The following HELZ variants were observed in gnomAD, a reference collection of about 807,000 sequenced individuals.
The protein encoded by HELZ is ATP-dependent RNA helicase with zinc finger domain.
HELZ carries 23 observed loss-of-function variants against 218.2 expected under a neutral mutation model. That is an observed-to-expected ratio of 0.11 (90% CI 0.08 to 0.15). The LOEUF is 0.15. Ranked by LOEUF, HELZ falls within the 10% of genes least tolerant of loss-of-function variation. The pLI is 1.00. For synonymous variants in HELZ, 814 were observed against 829.4 expected, an observed-to-expected ratio of 0.98 and a Z score of 0.32; for missense variants, 1,813 against 2,353.7, an observed-to-expected ratio of 0.77 and a Z score of 4.75.
chr17:67,238,409 C>T (rs1467373970), intron 3 of HELZ, among the ~76,000 whole-genome samples: 1 of 149,476 alleles, frequency 6.7e-6, no homozygotes, highest in African/African-American at 2.5e-5. Flanking sequence ...AGGTCGGGTG[C>T]GGTGGCTCAC....
chr17:67,189,524 AG>A, intron 11 of HELZ, 64 bp downstream of exon 11: 2 of 954,302 alleles, frequency 2.1e-6, no homozygotes, highest in South Asian at 1.3e-5. Context: ...AGAGATTCAA[AG>A]GTCAAAAAAA....
chr17:67,190,133 A>C, intron 10 of HELZ, 24 bp downstream of exon 10: 2 of 1,598,498 alleles, frequency 1.3e-6, no homozygotes. Flanking sequence ...ACAAACAAAA[A>C]ATAATGTAGC....
In HELZ at chr17:67,077,240, C is replaced by T. The variant is rs1262802011; in HGVS notation, c.*1012G>A. 1 of 152,308 alleles carries T rather than the reference C, an allele frequency of 6.6e-6. No homozygotes were observed. The highest frequency in any genetic ancestry group is 1.5e-5 in the Non-Finnish European group (1 of 67,968). The allele number at this position is 152,308 out of a possible 1,614,324, so 9.4% of individuals were successfully genotyped here. On this transcript the variant is annotated 3_prime_UTR_variant, in exon 33 of 33. Coordinates refer to ENST00000358691, the MANE Select transcript of HELZ (RefSeq NM_014877.4). ...AGCTAGCAAAATATTTGAATTGCCA[C>T]GTATAATGTCACATTTTAATGTAAA...
intron 26 of HELZ, among the ~76,000 whole-genome samples, chr17:67,122,318 G>T (rs2037635494): frequency 6.6e-6 from 1 of 152,172 alleles, no homozygotes; most frequent in African/African-American, 2.4e-5. Flanking sequence ...GGCCAAGACA[G>T]GCGGATCACA....
intron 5 of HELZ, among the ~76,000 whole-genome samples, chr17:67,204,835 A>G (rs2040255832): frequency 6.6e-6 from 1 of 152,162 alleles, no homozygotes; most frequent in African/African-American, 2.4e-5. Flanking sequence ...AAAAACTCCA[A>G]TAAGGTATCA....
intron 24 of HELZ, among the ~76,000 whole-genome samples, chr17:67,125,131 C>T (rs2037741914): frequency 6.6e-6 from 1 of 150,580 alleles, no homozygotes; most frequent in Non-Finnish European, 1.5e-5. Flanking sequence ...GCAGTAAACA[C>T]AGAAGGTTTA....
At chr17:67,157,237 T>C (rs1002395944) in intron 17 of HELZ, among the ~76,000 whole-genome samples, 3 of 152,290 alleles carry the variant, frequency 2.0e-5, no homozygotes, top group Non-Finnish European at 1.5e-5. Context: ...TTTATAGCAA[T>C]GCAAGAACGG....
intron 25 of HELZ, 148 bp downstream of exon 25, chr17:67,123,815 C>CTGTGTGTGTGTGTGTGTGTG (rs58616216): frequency 3.5e-4 from 188 of 535,046 alleles, no homozygotes; most frequent in African/African-American, 3.2e-3. Flanking sequence ...TCCAAAGTGA[C>CTGTGTGTGTGTGTGTGTGTG]TGTGTGTGTG....
In HELZ at chr17:67,220,393, A is replaced by G. The variant is rs76024637; in HGVS notation, c.-18-1571T>C. Reference sequence around the variant, plus strand: ...TAAGGGAGAGTTCAAAAAGGACTTCAACAGTATTTGTCAGCATTTGTTCAA... The same window carrying G: ...TAAGGGAGAGTTCAAAAAGGACTTCGACAGTATTTGTCAGCATTTGTTCAA... On this transcript the variant is annotated intron_variant, in intron 3 of 32. Coordinates refer to ENST00000358691, the MANE Select transcript of HELZ (RefSeq NM_014877.4). Among the ~76,000 whole-genome samples, 11 of 152,354 alleles carry G rather than the reference A, an allele frequency of 7.2e-5. No individual in the cohort carries two copies. In the East Asian group the frequency reaches 2.1e-3, roughly 29 times the overall value.
At chr17:67,174,096 A>G (rs780722270) in intron 13 of HELZ, among the ~76,000 whole-genome samples, 16 of 152,228 alleles carry the variant, frequency 1.1e-4, no homozygotes, top group Non-Finnish European at 1.9e-4. Flanking sequence ...AGCATTTTCT[A>G]AAACTTATAT....
chr17:67,155,460 A>C (rs931104978), intron 17 of HELZ, among the ~76,000 whole-genome samples: 7 of 152,228 alleles, frequency 4.6e-5, no homozygotes, highest in African/African-American at 1.7e-4. Context: ...AAGCAAATGA[A>C]AAACAGTAAG....
At position 67,107,375 on chromosome 17, in the gene HELZ, G is replaced by C. The variant is rs766841984; in HGVS notation, c.5035C>G (p.Pro1679Ala). Residue 1679 changes from proline to alanine, a missense_variant, in exon 31 of 33, where the codon CCT becomes GCT. This residue lies in a region of HELZ where 938 missense variants were observed against 1,027.5 expected (regional missense o/e 0.91). Coordinates refer to ENST00000358691, the MANE Select transcript of HELZ (RefSeq NM_014877.4). ...TTAGCAAAAGTCCATGCTCCATCAG[G>C]TGCCAGGTATTTCAAGGGAGGAGGG... ...LAPPPLKYLA[P>A]DGAWTFANLQ... The C allele has an allele frequency of 1.2e-6, 2 of 1,614,072 alleles. No individual in the cohort carries two copies. Among genetic ancestry groups the C allele is most frequent in the Non-Finnish European group, 1.7e-6 (2 of 1,180,030 alleles).
intron 24 of HELZ, among the ~76,000 whole-genome samples, chr17:67,125,613 C>T (rs558465335): frequency 7.9e-5 from 12 of 152,112 alleles, no homozygotes; most frequent in African/African-American, 2.9e-4. Flanking sequence ...GGGACAACTG[C>T]TTAGCATGTG....
rs79066257 is a variant in HELZ, at chr17:67,110,474, A to C, written c.3919-788T>G. Among the ~76,000 whole-genome samples the C allele has an allele frequency of 5.8e-3, 878 of 152,322 alleles. 11 individuals are homozygous for C. Among genetic ancestry groups the C allele is most frequent in the African/African-American group, 0.019 (791 of 41,572 alleles). On this transcript the variant is annotated intron_variant, in intron 28 of 32. Transcript: ENST00000358691. ...ACTTTGAAATGAACAAACAAGTACT[A>C]TATCACCTTTGTATATAACTAGTTT...
intron 31 of HELZ, among the ~76,000 whole-genome samples, chr17:67,099,563 C>G (rs2036858101): frequency 6.6e-6 from 1 of 152,132 alleles, no homozygotes; most frequent in African/African-American, 2.4e-5. Context: ...CCATTTAATA[C>G]AGGAAATCTA....
At position 67,108,534 on chromosome 17, in the gene HELZ, A is replaced by G. The variant is rs781390443; in HGVS notation, c.4682T>C (p.Leu1561Pro). 5 of 1,614,086 alleles carry G rather than the reference A, an allele frequency of 3.1e-6. No individual in the cohort carries two copies. The East Asian group carries it at 6.7e-5, about 22-fold the overall frequency. The change falls in exon 30 of 33, where the codon CTC becomes CCC. Residue 1561 changes from leucine to proline, a missense_variant. Coordinates refer to ENST00000358691, the MANE Select transcript of HELZ (RefSeq NM_014877.4). This position sits in a 1 kb window ranked among gnomAD's most constrained non-coding sequence, Gnocchi z 4.1. Reference protein sequence around the residue: ...HQPPVRADWKLTSSAEDEVET... With the variant: ...HQPPVRADWKPTSSAEDEVET... Reference sequence around the variant, plus strand: ...CACTTCATCTTCGGCACTGCTGGTGAGCTTCCAGTCTGCCCTCACTGGCGG... The same window carrying G: ...CACTTCATCTTCGGCACTGCTGGTGGGCTTCCAGTCTGCCCTCACTGGCGG...
At chr17:67,209,022 AGG>A (rs2040380768) in intron 5 of HELZ, among the ~76,000 whole-genome samples, 1 of 118,430 alleles carries the variant, frequency 8.4e-6, no homozygotes, top group Non-Finnish European at 1.7e-5. Context: ...GAAGGAAGGA[AGG>A]AAGGGAGGAA....
Position 67,122,375 on chromosome 17 carries a change from G to A in HELZ, c.3630+595C>T, listed in dbSNP as rs532956465. 7.9e-5 allele frequency among the ~76,000 whole-genome samples: 12 copies of A among 152,120 alleles called. No individual in the cohort carries two copies. The South Asian group carries it at 8.3e-4, about 11-fold the overall frequency. The stretch of plus-strand genomic sequence containing the variant: ...CCTGGCTAACATGGTGAAACCCCGC[G>A]TCTACTAAAAATACAAAAAAATTAG... On this transcript the variant is annotated intron_variant, in intron 26 of 32. Coordinates refer to ENST00000358691, the MANE Select transcript of HELZ (RefSeq NM_014877.4).
At chr17:67,113,492 T>A (rs1055751232) in intron 28 of HELZ, among the ~76,000 whole-genome samples, 2 of 152,126 alleles carry the variant, frequency 1.3e-5, no homozygotes, top group Non-Finnish European at 2.9e-5. Flanking sequence ...AATCTCCTGA[T>A]CTCATGATCC....
Sources: allele counts gnomAD v4.1 joint callset (sites outside exome capture counted in the v4.1 genomes callset), GRCh38; gene constraint gnomAD v4.1.1; regional missense constraint gnomAD v4.1.1; non-coding constraint Gnocchi (gnomAD v3.1); transcripts MANE v1.5; gene names NCBI Gene and HGNC (gene_info 2026-07-23, HGNC 2026-07-21).